ARHGAP23: variants seen among roughly 807,000 people sequenced by gnomAD.
ARHGAP23 encodes the protein Rho GTPase activating protein 23.
Under a neutral mutation model 136.3 loss-of-function variants are expected in ARHGAP23, and 34 were observed. That is an observed-to-expected ratio of 0.25 (90% CI 0.19 to 0.33). The LOEUF is 0.33. Ranked by LOEUF, ARHGAP23 falls within the 10% of genes least tolerant of loss-of-function variation. ARHGAP23 has a pLI of 1.00. For missense variants in ARHGAP23, 1,808 were observed against 2,139.0 expected (o/e 0.85, Z 3.05); for synonymous variants, 832 against 920.5 (o/e 0.90, Z 1.74).
chr17:38,470,111 C>T (rs755904679), intron 10 of ARHGAP23, among the ~76,000 whole-genome samples: 3 of 152,220 alleles, frequency 2.0e-5, no homozygotes, highest in Admixed American at 6.5e-5. Flanking sequence ...CATGCAGCCC[C>T]GCCCATGGGC....
chr17:38,453,452 TGTGTGTGTGC>T (rs1295709667), intron 1 of ARHGAP23, among the ~76,000 whole-genome samples: 1,636 of 120,644 alleles, frequency 0.014, 39 homozygotes, highest in African/African-American at 0.046. Context: ...TGTGTGTGTG[TGTGTGTGTGC>T]GCGCGCGCGC....
In ARHGAP23 at chr17:38,487,456, C is replaced by T. The variant is rs1292645125; in HGVS notation, c.2986+1316C>T. The stretch of plus-strand genomic sequence containing the variant: ...ATTGCTGGGTCAAAGTCCCGGTGAA[C>T]CTTTCTGAGACCAGTGTCAATTGCA... On this transcript the variant is annotated intron_variant, in intron 17 of 23. Transcript: ENST00000622683. 2.6e-5 allele frequency among the ~76,000 whole-genome samples: 4 copies of T among 152,144 alleles called. No homozygotes were observed. The South Asian group carries it at 6.2e-4, about 24-fold the overall frequency.
chr17:38,510,286 G>T lies in ARHGAP23; in HGVS notation c.3790G>T (p.Ala1264Ser). 1 of 1,287,438 alleles carries T rather than the reference G, an allele frequency of 7.8e-7. No homozygotes were observed. Among genetic ancestry groups the T allele is most frequent in the Non-Finnish European group, 9.8e-7 (1 of 1,017,526 alleles). 79.8% of individuals were successfully genotyped at this position (1,287,438 alleles called of 1,614,324 possible). A position where few individuals can be genotyped will look rare whatever the true frequency, so the allele number is the denominator to read the frequency against. The change falls in exon 24 of 24, where the codon GCT (alanine) becomes TCT (serine). Residue 1264 changes from alanine to serine, a missense_variant. Ala to Ser is a moderately conservative substitution (Grantham distance 99). This residue lies in a region of ARHGAP23 where 506 missense variants were observed against 455.8 expected (regional missense o/e 1.11). Transcript: ENST00000622683. The surrounding 1 kb of genome is among the most constrained non-coding windows in gnomAD (Gnocchi z 4.6). ...STMDRSVCSGASGRRAGAGDE... is the reference protein window; with the variant it reads ...STMDRSVCSGSSGRRAGAGDE... ...CATGGACCGCAGCGTGTGCTCGGGC[G>T]CTAGCGGTCGGCGGGCAGGGGCGGG...
At position 38,510,312 on chromosome 17, in the gene ARHGAP23, G is replaced by T. The variant is rs1008689716; in HGVS notation, c.3816G>T (p.Gly1272=). Residue 1272 remains glycine (G), a synonymous_variant, in exon 24 of 24, where the codon GGG becomes GGT. Coordinates refer to ENST00000622683, the MANE Select transcript of ARHGAP23 (RefSeq NM_001199417.2). The surrounding 1 kb of genome is among the most constrained non-coding windows in gnomAD (Gnocchi z 4.6). ...SGASGRRAGA[G]DEADDERSEL... ...CTAGCGGTCGGCGGGCAGGGGCGGG[G>T]GATGAGGCGGACGACGAGCGTAGCG... 3.6e-5 allele frequency: 46 copies of T among 1,278,160 alleles called. No individual in the cohort carries two copies. The highest frequency in any genetic ancestry group is 4.5e-5 in the Non-Finnish European group (46 of 1,013,496). 79.2% of individuals were successfully genotyped at this position (1,278,160 alleles called of 1,614,324 possible).
intron 1 of ARHGAP23, among the ~76,000 whole-genome samples, chr17:38,447,485 C>T (rs536842786): frequency 2.2e-5 from 3 of 139,380 alleles, no homozygotes; most frequent in South Asian, 4.8e-4. Context: ...TTTGAGAGCC[C>T]GCTATGCACA....
intron 1 of ARHGAP23, among the ~76,000 whole-genome samples, chr17:38,444,754 C>T (rs953047796): frequency 1.3e-5 from 2 of 151,772 alleles, no homozygotes; most frequent in Admixed American, 6.6e-5. Context: ...TCCTGGGCAA[C>T]CTCTGTGGGC....
chr17:38,510,524 C>T lies in ARHGAP23; in HGVS notation c.4028C>T (p.Pro1343Leu), dbSNP rs570315557. 8.7e-6 allele frequency: 10 copies of T among 1,145,580 alleles called. No individual in the cohort carries two copies. In the East Asian group the frequency reaches 1.3e-4, roughly 15 times the overall value. 71.0% of individuals were successfully genotyped at this position (1,145,580 alleles called of 1,614,324 possible). Residue 1343 changes from proline (P) to leucine (L), a missense_variant, in exon 24 of 24, where the codon CCG (proline) becomes CTG (leucine). Pro to Leu is a moderately conservative substitution (Grantham distance 98, BLOSUM62 -3). Transcript: ENST00000622683. The surrounding 1 kb of genome is among the most constrained non-coding windows in gnomAD (Gnocchi z 4.6). ...AGRGGPRAPE[P>L]PGSASSSSQE... Reference sequence around the variant, plus strand: ...CGGGGCGGTCCCCGCGCCCCGGAGCCGCCCGGCTCGGCGTCGTCCAGCAGC... The same window carrying T: ...CGGGGCGGTCCCCGCGCCCCGGAGCTGCCCGGCTCGGCGTCGTCCAGCAGC...
chr17:38,510,476 G>T lies in ARHGAP23; in HGVS notation c.3980G>T (p.Arg1327Leu), dbSNP rs946320266. The change falls in exon 24 of 24, where the codon CGC becomes CTC. Residue 1327 changes from arginine (R) to leucine (L), a missense_variant. Physicochemically the swap from Arg to Leu is moderately radical, Grantham distance 102. Transcript: ENST00000622683. This position sits in a 1 kb window ranked among gnomAD's most constrained non-coding sequence, Gnocchi z 4.6. The stretch of plus-strand genomic sequence containing the variant: ...GCGCGCCGCCGCCTGGCCCGGGGCC[G>T]CCCAGACGGCGAGGGCGCGGGCCGG... ...TLARRRLARG[R>L]PDGEGAGRGG... The T allele has an allele frequency of 6.7e-6, 8 of 1,192,640 alleles. No individual in the cohort carries two copies. The highest frequency in any genetic ancestry group is 4.8e-5 in the African/African-American group (3 of 62,046). 73.9% of individuals were successfully genotyped at this position (1,192,640 alleles called of 1,614,324 possible).
chr17:38,446,556 T>C (rs140774198), intron 1 of ARHGAP23, among the ~76,000 whole-genome samples: 127 of 152,102 alleles, frequency 8.3e-4, no homozygotes, highest in African/African-American at 2.9e-3. Context: ...TCAGTTGTTG[T>C]GGATATATAC....
intron 1 of ARHGAP23, among the ~76,000 whole-genome samples, chr17:38,441,397 C>A (rs543669589): frequency 6.6e-6 from 1 of 152,316 alleles, no homozygotes; most frequent in Admixed American, 6.5e-5. Context: ...TTGTCCTCCC[C>A]TCCCTCCTCT....
chr17:38,469,259 C>A lies in ARHGAP23; in HGVS notation c.1764C>A (p.Thr588=). Residue 588 remains threonine, a synonymous_variant, in exon 8 of 24, where the codon ACC becomes ACA. Transcript: ENST00000622683. ...TGGGCACCAGCCCATCTTCCCCGAC[C>A]TTCACTTTCACCCTCGGACGCCATT... The part of the protein sequence containing the change: ...PVLGTSPSSP[T]FTFTLGRHYS... The A allele has an allele frequency of 6.4e-7, 1 of 1,551,622 alleles. No individual in the cohort carries two copies. Among genetic ancestry groups the A allele is most frequent in the Non-Finnish European group, 8.7e-7 (1 of 1,146,836 alleles).
chr17:38,440,777 G>A (rs1006601926), intron 1 of ARHGAP23, among the ~76,000 whole-genome samples: 2 of 152,184 alleles, frequency 1.3e-5, no homozygotes, highest in Admixed American at 1.3e-4. Flanking sequence ...GTGTCCCACC[G>A]GGATCACTGA....
At chr17:38,459,287 G>A (rs992986414) in intron 2 of ARHGAP23, among the ~76,000 whole-genome samples, 7 of 152,296 alleles carry the variant, frequency 4.6e-5, no homozygotes, top group East Asian at 3.9e-4. Context: ...TGTGCATCGC[G>A]TGCTGGCCAT....
chr17:38,464,195 C>T (rs965275950), intron 6 of ARHGAP23, among the ~76,000 whole-genome samples: 2 of 152,196 alleles, frequency 1.3e-5, no homozygotes, highest in African/African-American at 4.8e-5. Flanking sequence ...CATTCGACAC[C>T]TCAGCATACC....
chr17:38,492,720 C>T (rs2040304221), intron 20 of ARHGAP23, among the ~76,000 whole-genome samples: 1 of 152,206 alleles, frequency 6.6e-6, no homozygotes. Flanking sequence ...CTCCGAGCCA[C>T]AGGAGGGAAG....
At chr17:38,491,900 C>T (rs919147288) in intron 20 of ARHGAP23, among the ~76,000 whole-genome samples, 2 of 152,180 alleles carry the variant, frequency 1.3e-5, no homozygotes, top group Admixed American at 6.5e-5. Context: ...CTGGCAGACA[C>T]GAGCAGACGG....
chr17:38,485,314 G>A lies in ARHGAP23; in HGVS notation c.2908-748G>A, dbSNP rs546397308. On this transcript the variant is annotated intron_variant, in intron 16 of 23. Transcript: ENST00000622683. ...CCTCTGTGGGTGGAGTGGGAGTTTG[G>A]GGGACAAAATTGCCTCCTTCTGTTA... is the stretch of plus-strand genomic sequence containing the variant. Among the ~76,000 whole-genome samples the A allele has an allele frequency of 1.8e-4, 27 of 152,202 alleles. No homozygotes were observed. In the South Asian group the frequency reaches 2.7e-3, roughly 15 times the overall value.
At position 38,469,264 on chromosome 17, in the gene ARHGAP23, C is replaced by T; in HGVS notation, c.1769C>T (p.Thr590Ile). 3.9e-6 allele frequency: 6 copies of T among 1,551,564 alleles called. No homozygotes were observed. Among genetic ancestry groups the T allele is most frequent in the Non-Finnish European group, 5.2e-6 (6 of 1,146,810 alleles). Residue 590 changes from threonine (T) to isoleucine (I), a missense_variant, in exon 8 of 24, where the codon ACT becomes ATT. Thr to Ile is a moderately conservative substitution (Grantham distance 89). Transcript: ENST00000622683. ...LGTSPSSPTF[T>I]FTLGRHYSQD... ...ACCAGCCCATCTTCCCCGACCTTCA[C>T]TTTCACCCTCGGACGCCATTACTCG...
intron 1 of ARHGAP23, among the ~76,000 whole-genome samples, chr17:38,434,365 C>A (rs901008460): frequency 6.6e-6 from 1 of 152,218 alleles, no homozygotes; most frequent in Non-Finnish European, 1.5e-5. Flanking sequence ...TGTCCCCAAC[C>A]GCTGGGAATC....
Sources: gnomAD v4.1 joint callset for allele counts (sites outside exome capture counted in the v4.1 genomes callset) on GRCh38, gnomAD v4.1.1 for gene constraint, gnomAD v4.1.1 regional missense constraint, Gnocchi (gnomAD v3.1) non-coding constraint, MANE v1.5 for transcripts, NCBI Gene and HGNC (gene_info 2026-07-23, HGNC 2026-07-21) for gene names.